ZPBP: variants seen among roughly 807,000 people sequenced by gnomAD.
ZPBP encodes the protein zona pellucida binding protein.
In ZPBP, 26 loss-of-function variants were observed where a neutral mutation model predicts 44.8. The observed-to-expected ratio is 0.58, with a 90% confidence interval of 0.43 to 0.81. The LOEUF is 0.81. ZPBP is among the 30% of genes least tolerant of loss of function. The pLI is 0.00. For missense variants in ZPBP, 409 were observed against 434.0 expected, an observed-to-expected ratio of 0.94 and a Z score of 0.51; for synonymous variants, 174 against 153.2, an observed-to-expected ratio of 1.14 and a Z score of -1.00.
At chr7:50,090,768 A>G (rs896582297) in intron 1 of ZPBP, among the ~76,000 whole-genome samples, 2 of 151,988 alleles carry the variant, frequency 1.3e-5, no homozygotes. Context: ...TTGTGCTGCT[A>G]TCAACGTGTG....
At chr7:49,882,879 G>A (rs1254125286) in intron 2 of ZPBP, among the ~76,000 whole-genome samples, 1 of 151,810 alleles carries the variant, frequency 6.6e-6, no homozygotes, top group Admixed American at 6.6e-5. Context: ...TGTTGTTGTT[G>A]TTGTTGTTTT....
At chr7:49,873,667 T>G (rs1377230823) in intron 2 of ZPBP, among the ~76,000 whole-genome samples, 2 of 152,232 alleles carry the variant, frequency 1.3e-5, no homozygotes, top group Non-Finnish European at 2.9e-5. Context: ...GCAGTAATCA[T>G]GAATTTTTGC....
intron 1 of ZPBP, among the ~76,000 whole-genome samples, chr7:49,902,082 T>C (rs939961406): frequency 2.0e-5 from 3 of 151,918 alleles, no homozygotes; most frequent in Non-Finnish European, 4.4e-5. Flanking sequence ...ACCATAAAAG[T>C]CGTAGAAGAT....
intron 7 of ZPBP, among the ~76,000 whole-genome samples, chr7:49,969,639 G>C (rs1796204894): frequency 6.6e-6 from 1 of 151,694 alleles, no homozygotes; most frequent in South Asian, 2.1e-4. Flanking sequence ...AAAAGTATGA[G>C]AAAAGAAGGT....
At chr7:50,088,587 A>T (rs1181666987) in intron 2 of ZPBP, among the ~76,000 whole-genome samples, 2 of 152,034 alleles carry the variant, frequency 1.3e-5, no homozygotes, top group Admixed American at 1.3e-4. Flanking sequence ...CACCAAATTT[A>T]AAAACGGGCA....
rs145150525 is a variant in ZPBP at position 50,005,972 on chromosome 7, T to G, written c.783+12268A>C. Among the ~76,000 whole-genome samples, 3 of 151,662 alleles carry G rather than the reference T, an allele frequency of 2.0e-5. No homozygotes were observed. The East Asian group carries it at 5.8e-4, about 29-fold the overall frequency. ...TGAAGTGAGAGGATGGAAAAAGATATTCCTTGGAAAATAGTATTCAAAAAA... is the reference window on the plus strand; with the variant it reads ...TGAAGTGAGAGGATGGAAAAAGATAGTCCTTGGAAAATAGTATTCAAAAAA... On this transcript the variant is annotated intron_variant, in intron 6 of 7. Coordinates refer to ENST00000046087, the MANE Select transcript of ZPBP (RefSeq NM_007009.3).
In ZPBP at chr7:49,931,848, C is replaced by G. The variant is rs571593023; in HGVS notation, n.411+3903G>C. Among the ~76,000 whole-genome samples the G allele has an allele frequency of 5.3e-4, 80 of 152,326 alleles. 1 individual carries two copies. The highest frequency in any genetic ancestry group is 1.4e-3 in the Admixed American group (22 of 15,304). On this transcript the variant is annotated intron_variant and non_coding_transcript_variant, in intron 1 of 2. Coordinates refer to the ZPBP transcript ENST00000465922. Reference sequence around the variant, plus strand: ...GGTTTTGTGGGCAAGGCCTAGGGCCCCCCTGCTCTCTGCAGCCTAGGGCCA... The same window carrying G: ...GGTTTTGTGGGCAAGGCCTAGGGCCGCCCTGCTCTCTGCAGCCTAGGGCCA...
Position 49,982,108 on chromosome 7 carries a change from T to A in ZPBP, c.961+1234A>T, listed in dbSNP as rs1331462746. The stretch of plus-strand genomic sequence containing the variant: ...TATATGAATTATATAATTATATAAT[T>A]ATAAATATTTATATATTAATATAAA... On this transcript the variant is annotated intron_variant, in intron 7 of 7. Transcript: ENST00000046087. Among the ~76,000 whole-genome samples the A allele has an allele frequency of 2.0e-5, 2 of 100,788 alleles. 1 individual carries two copies. The highest frequency in any genetic ancestry group is 8.0e-5 in the African/African-American group (2 of 25,058). The allele number at this position is 100,788 out of a possible 152,430, so 66.1% of individuals were successfully genotyped here.
chr7:49,864,614 G>T (rs531182829), intron 2 of ZPBP, among the ~76,000 whole-genome samples: 98 of 152,190 alleles, frequency 6.4e-4, no homozygotes, highest in Non-Finnish European at 9.8e-4. Flanking sequence ...GTGTTTTCGA[G>T]CATCATCTAC....
At chr7:49,924,633 G>A (rs1794158731) in intron 1 of ZPBP, among the ~76,000 whole-genome samples, 1 of 152,068 alleles carries the variant, frequency 6.6e-6, no homozygotes, top group African/African-American at 2.4e-5. Context: ...TGGAAAAGGG[G>A]CTGTCACTAG....
intron 7 of ZPBP, among the ~76,000 whole-genome samples, chr7:49,938,246 T>TC (rs1794698600): frequency 6.6e-6 from 1 of 151,806 alleles, no homozygotes; most frequent in Non-Finnish European, 1.5e-5. Context: ...TGCATTTTTT[T>TC]CTAATAATCT....
intron 2 of ZPBP, among the ~76,000 whole-genome samples, chr7:49,882,866 T>C (rs1791729607): frequency 6.6e-6 from 1 of 151,838 alleles, no homozygotes; most frequent in Non-Finnish European, 1.5e-5. Context: ...TTTTTGTTTT[T>C]GTTGTTGTTG....
intron 1 of ZPBP, among the ~76,000 whole-genome samples, chr7:49,932,267 T>G (rs1201010549): frequency 1.3e-5 from 2 of 152,166 alleles, no homozygotes; most frequent in Non-Finnish European, 2.9e-5. Flanking sequence ...GATTGCACCA[T>G]GCACCTGGAA....
Position 50,031,167 on chromosome 7 carries a change from A to T in ZPBP, c.631T>A (p.Leu211Ile), listed in dbSNP as rs766192305. The change falls in exon 5 of 8, where the codon TTA (leucine) becomes ATA (isoleucine). Residue 211 changes from leucine (L) to isoleucine (I), a missense_variant. Transcript: ENST00000046087. ...LLLDLSCEISLLKSECHRVKM... is the reference protein window; with the variant it reads ...LLLDLSCEISILKSECHRVKM... ...ACGCGATGGCATTCAGACTTAAGTA[A>T]GGAAATTTCACATGAAAGGTCAAGA... 5 of 1,613,692 alleles carry T rather than the reference A, an allele frequency of 3.1e-6. 1 individual carries two copies. In the African/African-American group the frequency reaches 6.7e-5, roughly 22 times the overall value.
chr7:50,005,823 ATGTGTGTGTGTGTGTG>A (rs71018444), intron 6 of ZPBP, among the ~76,000 whole-genome samples: 2,966 of 144,886 alleles, frequency 0.02, 112 homozygotes, highest in African/African-American at 0.066. Context: ...ATAACTATAT[ATGTGTGTGTGTGTGTG>A]TGTGTGTGTG....
At chr7:49,859,040 T>G (rs1790541511) in intron 2 of ZPBP, among the ~76,000 whole-genome samples, 1 of 152,198 alleles carries the variant, frequency 6.6e-6, no homozygotes, top group Admixed American at 6.5e-5. Flanking sequence ...CGACTGCAGG[T>G]GCTACTAGTG....
In ZPBP at chr7:50,031,109, A is replaced by C. The variant is rs1799586390; in HGVS notation, c.689T>G (p.Leu230Trp). ...KMQRAGLQNE[L>W]FFAFSVSSLD... is the part of the protein sequence containing the mutation. ...AGACTTACCTGAAAATGCAAAGAAC[A>C]ATTCATTTTGCAAACCAGCTCTTTG... Residue 230 changes from leucine (L) to tryptophan (W), a missense_variant, in exon 5 of 8, where the codon TTG becomes TGG. Transcript: ENST00000046087. The C allele has an allele frequency of 1.2e-6, 2 of 1,613,588 alleles. No homozygotes were observed. The highest frequency in any genetic ancestry group is 1.7e-6 in the Non-Finnish European group (2 of 1,179,776).
At chr7:49,978,068 T>C (rs1214588857) in intron 7 of ZPBP, among the ~76,000 whole-genome samples, 1 of 120,480 alleles carries the variant, frequency 8.3e-6, no homozygotes, top group African/African-American at 3.6e-5. Flanking sequence ...AGTTTGTTTG[T>C]TTTTGGTTTT....
intron 1 of ZPBP, among the ~76,000 whole-genome samples, chr7:49,902,960 A>G (rs1792852579): frequency 6.6e-6 from 1 of 152,172 alleles, no homozygotes; most frequent in Non-Finnish European, 1.5e-5. Flanking sequence ...TAGGCAAAAT[A>G]CATGAAGAGT....
Sources: gnomAD v4.1 joint callset for allele counts (sites outside exome capture counted in the v4.1 genomes callset) on GRCh38, gnomAD v4.1.1 for gene constraint, MANE v1.5 for transcripts, NCBI Gene and HGNC (gene_info 2026-07-23, HGNC 2026-07-21) for gene names.